ST8SIA6: variants seen among roughly 807,000 people sequenced by gnomAD.
ST8SIA6 encodes ST8 alpha-N-acetyl-neuraminide alpha-2,8-sialyltransferase 6.
Under a neutral mutation model 33.6 loss-of-function variants are expected in ST8SIA6, and 39 were observed. The observed-to-expected ratio is 1.16, with a 90% CI of 0.90 to 1.52. The LOEUF (loss-of-function observed/expected upper bound fraction) is 1.52, where lower values mean the gene tolerates loss of function less well. Among genes scored for constraint, ST8SIA6 ranks in the 40% most tolerant of loss-of-function variants. The pLI, the probability that ST8SIA6 is intolerant of heterozygous loss-of-function variation, is 0.00. For synonymous variants in ST8SIA6, 172 were observed against 167.2 expected, an observed-to-expected ratio of 1.03 and a Z score of -0.22; for missense variants, 441 against 443.8, an observed-to-expected ratio of 0.99 and a Z score of 0.06.
At chr10:17,429,035 A>C (rs1215999945) in intron 2 of ST8SIA6, among the ~76,000 whole-genome samples, 1 of 151,928 alleles carries the variant, frequency 6.6e-6, no homozygotes, top group Non-Finnish European at 1.5e-5. Context: ...TTAGTAGCAC[A>C]TACAGTAAGC....
intron 5 of ST8SIA6, among the ~76,000 whole-genome samples, chr10:17,328,782 G>A (rs771255774): frequency 6.6e-6 from 1 of 152,102 alleles, no homozygotes; most frequent in Non-Finnish European, 1.5e-5. Context: ...CCGGTATCAC[G>A]GGAATTAATT....
chr10:17,439,967 G>A (rs569957182), intron 2 of ST8SIA6, among the ~76,000 whole-genome samples: 12 of 152,258 alleles, frequency 7.9e-5, no homozygotes, highest in East Asian at 1.9e-4. Context: ...ATCTTCCAAC[G>A]AGGAAAGGAA....
intron 3 of ST8SIA6, among the ~76,000 whole-genome samples, chr10:17,364,047 T>C (rs1186248562): frequency 1.3e-5 from 2 of 148,678 alleles, no homozygotes; most frequent in Non-Finnish European, 3.0e-5. Context: ...AAGATTACTT[T>C]ATTACTACCA....
At chr10:17,338,489 T>C (rs1162115285) in intron 4 of ST8SIA6, among the ~76,000 whole-genome samples, 1 of 152,242 alleles carries the variant, frequency 6.6e-6, no homozygotes, top group Non-Finnish European at 1.5e-5. Context: ...AATGTCATTA[T>C]CTAAGCCTGT....
intron 2 of ST8SIA6, chr10:17,403,663 C>T (rs1278119665): frequency 1.3e-5 from 2 of 152,146 alleles, no homozygotes; most frequent in Non-Finnish European, 2.9e-5. Flanking sequence ...ATTATTTTGA[C>T]CTCTCTTTAG....
chr10:17,383,732 T>C (rs532548481), intron 3 of ST8SIA6, among the ~76,000 whole-genome samples: 10 of 152,206 alleles, frequency 6.6e-5, no homozygotes, highest in Admixed American at 2.0e-4. Context: ...TCAGAACTCA[T>C]GGAGAGCTAA....
intron 4 of ST8SIA6, among the ~76,000 whole-genome samples, chr10:17,333,872 C>A (rs1477865765): frequency 6.6e-6 from 1 of 150,466 alleles, no homozygotes; most frequent in Non-Finnish European, 1.5e-5. Context: ...AAGGCACCTG[C>A]TACCATGTCC....
chr10:17,436,919 C>T (rs1268296613), intron 2 of ST8SIA6, among the ~76,000 whole-genome samples: 2 of 152,106 alleles, frequency 1.3e-5, no homozygotes, highest in African/African-American at 4.8e-5. Flanking sequence ...GATTGTGAGG[C>T]CTTTCCAGCC....
At chr10:17,360,889 G>T (rs1849359418) in intron 3 of ST8SIA6, among the ~76,000 whole-genome samples, 1 of 149,200 alleles carries the variant, frequency 6.7e-6, no homozygotes, top group Admixed American at 6.7e-5. Flanking sequence ...GGAGAAGAAA[G>T]AAGATGACGA....
intron 3 of ST8SIA6, among the ~76,000 whole-genome samples, chr10:17,367,989 C>G (rs552764390): frequency 6.6e-6 from 1 of 152,022 alleles, no homozygotes; most frequent in Admixed American, 6.6e-5. Context: ...ATTACGTATC[C>G]GTACAGCACT....
chr10:17,379,140 A>C (rs1466550899), intron 3 of ST8SIA6, among the ~76,000 whole-genome samples: 2 of 124,862 alleles, frequency 1.6e-5, no homozygotes, highest in Non-Finnish European at 3.2e-5. Context: ...AAAAAAACAA[A>C]AACAAAAAAA....
At chr10:17,375,322 T>C (rs1209038646) in intron 3 of ST8SIA6, among the ~76,000 whole-genome samples, 2 of 152,220 alleles carry the variant, frequency 1.3e-5, no homozygotes, top group African/African-American at 4.8e-5. Flanking sequence ...CTTGCATAGT[T>C]AGCAGGCTTT....
intron 2 of ST8SIA6, among the ~76,000 whole-genome samples, chr10:17,392,889 G>A (rs1588880224): frequency 6.6e-6 from 1 of 152,196 alleles, no homozygotes; most frequent in African/African-American, 2.4e-5. Context: ...TTCATTTTCT[G>A]TGTCAACTTG....
At chr10:17,391,119 A>G (rs951401811) in intron 2 of ST8SIA6, among the ~76,000 whole-genome samples, 3 of 152,066 alleles carry the variant, frequency 2.0e-5, no homozygotes, top group Non-Finnish European at 4.4e-5. Flanking sequence ...CAGCCTCCCA[A>G]AGTGCTGGGA....
At chr10:17,348,701 TC>T (rs947643722) in intron 4 of ST8SIA6, among the ~76,000 whole-genome samples, 28 of 152,182 alleles carry the variant, frequency 1.8e-4, no homozygotes, top group African/African-American at 6.8e-4. Flanking sequence ...TTCATCATCT[TC>T]CGCTTTTTGG....
chr10:17,339,138 A>G (rs1203512214), intron 4 of ST8SIA6, among the ~76,000 whole-genome samples: 3 of 148,786 alleles, frequency 2.0e-5, no homozygotes, highest in Non-Finnish European at 3.0e-5. Context: ...TGTAGGTGCT[A>G]TTTTCTTTTT....
At chr10:17,373,583 G>A (rs946964386) in intron 3 of ST8SIA6, among the ~76,000 whole-genome samples, 9 of 152,196 alleles carry the variant, frequency 5.9e-5, no homozygotes, top group African/African-American at 1.7e-4. Context: ...TTAGCCGTTC[G>A]GATGGTCTTT....
intron 2 of ST8SIA6, among the ~76,000 whole-genome samples, chr10:17,449,594 A>G (rs1852839198): frequency 6.6e-6 from 1 of 152,204 alleles, no homozygotes; most frequent in Admixed American, 6.5e-5. Context: ...ATATATTCCA[A>G]ATTCTTTTCA....
At chr10:17,415,803 C>CTTTTTT (rs968920842) in intron 2 of ST8SIA6, among the ~76,000 whole-genome samples, 100 of 92,194 alleles carry the variant, frequency 1.1e-3, no homozygotes, top group Non-Finnish European at 1.5e-3. Context: ...CCTCACTTGT[C>CTTTTTT]TTTTTTTTTT....
Sources: allele counts gnomAD v4.1 joint callset (sites outside exome capture counted in the v4.1 genomes callset), GRCh38; gene constraint gnomAD v4.1.1; transcripts MANE v1.5; gene names NCBI Gene and HGNC (gene_info 2026-07-23, HGNC 2026-07-21).